The following SPATA9 variants were observed in gnomAD, a reference collection of about 807,000 sequenced individuals.
The protein encoded by SPATA9 is spermatogenesis associated 9.
In SPATA9, 27 loss-of-function variants were observed where a neutral mutation model predicts 25.5. The observed-to-expected ratio is 1.06, with a 90% CI of 0.78 to 1.46. The LOEUF is 1.46. Among genes scored for constraint, SPATA9 ranks in the 40% most tolerant of loss-of-function variants. The pLI is 0.00. For synonymous variants in SPATA9, 102 were observed against 105.7 expected (o/e 0.97, Z 0.21); for missense variants, 282 against 297.5 (o/e 0.95, Z 0.38).
chr5:95,653,791 G>A (rs60991802), downstream of SPATA9, among the ~76,000 whole-genome samples: 176 of 152,158 alleles, frequency 1.2e-3, no homozygotes, highest in African/African-American at 3.9e-3. Context: ...GCAGCTACTC[G>A]GGAGGCCAAG....
At chr5:95,681,313 T>C (rs900471535) in intron 2 of SPATA9, among the ~76,000 whole-genome samples, 1 of 152,180 alleles carries the variant, frequency 6.6e-6, no homozygotes, top group Non-Finnish European at 1.5e-5. Context: ...TTTGGAAACA[T>C]GCTATGCTGT....
At chr5:95,718,180 A>T in the SPATA9 span, among the ~76,000 whole-genome samples, 1 of 152,220 alleles carries the variant, frequency 6.6e-6, no homozygotes, top group Non-Finnish European at 1.5e-5. Flanking sequence ...TTTTAAAAAA[A>T]GTTGCTTCTA....
the SPATA9 span, chr5:95,713,830 C>A: frequency 6.6e-6 from 1 of 151,808 alleles, no homozygotes; most frequent in East Asian, 1.9e-4. Flanking sequence ...TCTTCTCAAT[C>A]TTATCTTCTA....
intron 1 of SPATA9, among the ~76,000 whole-genome samples, chr5:95,696,529 G>A (rs1259983216): frequency 6.6e-6 from 1 of 152,180 alleles, no homozygotes; most frequent in Non-Finnish European, 1.5e-5. Flanking sequence ...AAGGAGTATT[G>A]TAATAGTTTT....
chr5:95,711,587 C>T, the SPATA9 span, among the ~76,000 whole-genome samples: 40 of 152,248 alleles, frequency 2.6e-4, no homozygotes, highest in African/African-American at 8.9e-4. Flanking sequence ...CAATGGGTGG[C>T]GAGCCCACAG....
chr5:95,728,390 C>G, the SPATA9 span, among the ~76,000 whole-genome samples: 1 of 152,190 alleles, frequency 6.6e-6, no homozygotes, highest in African/African-American at 2.4e-5. Flanking sequence ...TTGAAATACT[C>G]CTTCCCTTCT....
At chr5:95,654,349 A>T (rs767559079), downstream of SPATA9, 2 of 1,607,166 alleles carry the variant, frequency 1.2e-6, no homozygotes, top group East Asian at 2.2e-5. Flanking sequence ...GAGGACCTTT[A>T]CATTTGGGAG....
At chr5:95,717,679 T>A in the SPATA9 span, 2 of 152,192 alleles carry the variant, frequency 1.3e-5, no homozygotes, top group Non-Finnish European at 2.9e-5. Context: ...AATCTGTCGA[T>A]ATACAAGCTA....
chr5:95,685,932 G>A (rs543959428), upstream of SPATA9, among the ~76,000 whole-genome samples: 1 of 152,272 alleles, frequency 6.6e-6, no homozygotes, highest in Admixed American at 6.5e-5. Context: ...TGCCTCCCGG[G>A]TTCAAGCGAT....
chr5:95,664,041 T>G lies in SPATA9; in HGVS notation c.386A>C (p.Lys129Thr). ...GGAGATGATTTCAAACAAAGAACCCTTTCTGACCTGCAAAAACAGAAAAGA... is the reference window on the plus strand; with the variant it reads ...GGAGATGATTTCAAACAAAGAACCCGTTCTGACCTGCAAAAACAGAAAAGA... ...RQPLYNIQVRKGSLFEIISFP... is the reference protein window; with the variant it reads ...RQPLYNIQVRTGSLFEIISFP... Residue 129 changes from lysine (K) to threonine (T), a missense_variant, in exon 4 of 5, where the codon AAG (lysine) becomes ACG (threonine). By Grantham distance (78) the Lys-to-Thr change is moderately conservative. Transcript: ENST00000274432. 9.6e-6 allele frequency: 15 copies of G among 1,555,292 alleles called. No homozygotes were observed. Among genetic ancestry groups the G allele is most frequent in the Non-Finnish European group, 1.2e-5 (14 of 1,146,618 alleles).
At chr5:95,706,315 C>T in the SPATA9 span, among the ~76,000 whole-genome samples, 2 of 151,656 alleles carry the variant, frequency 1.3e-5, no homozygotes, top group Admixed American at 6.6e-5. Context: ...CGGTGGATTT[C>T]CCCCTTGCTG....
chr5:95,704,940 A>G, the SPATA9 span, among the ~76,000 whole-genome samples: 1 of 151,124 alleles, frequency 6.6e-6, no homozygotes, highest in African/African-American at 2.4e-5. Flanking sequence ...ATACATGAGG[A>G]TAGAGTACTT....
At chr5:95,724,626 C>T in the SPATA9 span, among the ~76,000 whole-genome samples, 79 of 152,248 alleles carry the variant, frequency 5.2e-4, 1 homozygote, top group Admixed American at 3.1e-3. Context: ...CCACCACGCC[C>T]GGCTAATTTT....
At chr5:95,658,942 A>G (rs1159219759) in intron 4 of SPATA9, 29 bp from the exon 5 acceptor site, 1 of 1,555,908 alleles carries the variant, frequency 6.4e-7, no homozygotes, top group South Asian at 1.2e-5. Flanking sequence ...TTGTAAAGTG[A>G]AGTTTCTTTT....
At chr5:95,717,885 G>A in the SPATA9 span, 1 of 152,112 alleles carries the variant, frequency 6.6e-6, no homozygotes, top group Non-Finnish European at 1.5e-5. Context: ...AGTTAAGCAG[G>A]TATTTGGTTT....
chr5:95,694,935 A>G (rs1374809028), intron 1 of SPATA9, among the ~76,000 whole-genome samples: 6 of 152,230 alleles, frequency 3.9e-5, no homozygotes, highest in African/African-American at 7.2e-5. Flanking sequence ...CAACAAAATC[A>G]TAATATAATA....
At chr5:95,713,584 C>A in the SPATA9 span, 3 of 152,102 alleles carry the variant, frequency 2.0e-5, no homozygotes, top group Non-Finnish European at 2.9e-5. Context: ...GTACAGCCTG[C>A]AGAATTGTGA....
the SPATA9 span, among the ~76,000 whole-genome samples, chr5:95,730,085 A>T: frequency 4.9e-5 from 7 of 143,470 alleles, no homozygotes; most frequent in African/African-American, 1.8e-4. Flanking sequence ...AAATTAGATT[A>T]AAAAAAAAAA....
the SPATA9 span, among the ~76,000 whole-genome samples, chr5:95,727,119 A>G: frequency 6.6e-6 from 1 of 152,190 alleles, no homozygotes; most frequent in African/African-American, 2.4e-5. Context: ...CATCTTTTTA[A>G]TGAAAATGAA....
Sources: allele counts gnomAD v4.1 joint callset (sites outside exome capture counted in the v4.1 genomes callset), GRCh38; gene constraint gnomAD v4.1.1; transcripts MANE v1.5; gene names NCBI Gene and HGNC (gene_info 2026-07-23, HGNC 2026-07-21).